Variants in KIF1B observed in about 807,000 individuals in gnomAD.
The protein encoded by KIF1B is kinesin family member 1B.
A neutral mutation model predicts 241.9 loss-of-function variants in KIF1B; 76 were observed. The observed-to-expected ratio is 0.31, with a 90% confidence interval of 0.26 to 0.38. The LOEUF (loss-of-function observed/expected upper bound fraction) is 0.38, where lower values mean the gene tolerates loss of function less well. Among genes scored for constraint, KIF1B ranks in the 10% least tolerant of loss-of-function variants. KIF1B has a pLI of 1.00. For missense variants in KIF1B, 1,622 were observed against 2,271.4 expected (o/e 0.71, Z 5.81); for synonymous variants, 750 against 796.7 (o/e 0.94, Z 0.99).
chr1:10,339,758 T>G lies in KIF1B; in HGVS notation c.3423-11T>G. The G allele has an allele frequency of 2.5e-6, 4 of 1,613,382 alleles. No homozygotes were observed. Among genetic ancestry groups the G allele is most frequent in the Non-Finnish European group, 3.4e-6 (4 of 1,179,444 alleles). On this transcript the variant is annotated splice_polypyrimidine_tract_variant and intron_variant, in intron 31 of 48. Coordinates refer to ENST00000676179, the MANE Select transcript of KIF1B (RefSeq NM_001365951.3). ...GCATTGTTCACGAGTCTTTTTATTT[T>G]TTTTATGAAGCTTTTTGCATCGCCA...
rs183499687 is a variant in KIF1B at position 10,305,966 on chromosome 1, C to T, written c.2115+8720C>T. ...ATCTATCAAACACTTGTCTTCCAAA[C>T]GGTGTGAAAAACTACAGCCAAGATA... On this transcript the variant is annotated intron_variant, in intron 22 of 48. Coordinates refer to ENST00000676179, the MANE Select transcript of KIF1B (RefSeq NM_001365951.3). 7.6e-5 allele frequency: 80 copies of T among 1,052,368 alleles called. No individual in the cohort carries two copies. The African/African-American group carries it at 9.6e-4, about 13-fold the overall frequency. 65.2% of individuals were successfully genotyped at this position (1,052,368 alleles called of 1,614,324 possible). A position where few individuals can be genotyped will look rare whatever the true frequency, so the allele number is the denominator to read the frequency against.
intron 5 of KIF1B, among the ~76,000 whole-genome samples, chr1:10,265,428 G>GT (rs1165842471): frequency 6.6e-6 from 1 of 151,896 alleles, no homozygotes; most frequent in East Asian, 1.9e-4. Flanking sequence ...TAGAAGTGGG[G>GT]TTTTACCATG....
intron 1 of KIF1B, among the ~76,000 whole-genome samples, chr1:10,216,957 C>CTTTTTTTTTTTTTTTTTTTTTT: frequency 1.8e-5 from 1 of 54,504 alleles, no homozygotes; most frequent in Admixed American, 3.4e-4. Context: ...TGCCCATTTT[C>CTTTTTTTTTTTTTTTTTTTTTT]TTTTTTTTTT....
At chr1:10,221,655 C>T (rs1421958696) in intron 1 of KIF1B, among the ~76,000 whole-genome samples, 1 of 152,132 alleles carries the variant, frequency 6.6e-6, no homozygotes, top group African/African-American at 2.4e-5. Context: ...TTTTTCATAG[C>T]ATCTCAAAAG....
intron 2 of KIF1B, among the ~76,000 whole-genome samples, chr1:10,244,471 C>T (rs184396612): frequency 2.0e-5 from 3 of 151,828 alleles, no homozygotes; most frequent in East Asian, 1.9e-4. Flanking sequence ...TGCACTACTA[C>T]GCCCGGCTAA....
chr1:10,215,172 A>ATATATATATT (rs1377684765), intron 1 of KIF1B, among the ~76,000 whole-genome samples: 2 of 45,360 alleles, frequency 4.4e-5, no homozygotes, highest in African/African-American at 2.0e-4. Flanking sequence ...ATATATATAT[A>ATATATATATT]TTTTTTTTTT....
intron 5 of KIF1B, among the ~76,000 whole-genome samples, chr1:10,266,376 C>T (rs1309823050): frequency 6.6e-6 from 1 of 152,088 alleles, no homozygotes; most frequent in African/African-American, 2.4e-5. Context: ...TTTAATTGCC[C>T]CAGGTTAAGA....
rs777354539 is a variant in KIF1B, at chr1:10,295,176, T to G, written c.1670+11T>G. The G allele has an allele frequency of 2.6e-6, 4 of 1,534,352 alleles. No individual in the cohort carries two copies. On this transcript the variant is annotated intron_variant, in intron 18 of 48. Transcript: ENST00000676179. ...AGATGGAATTACAAGGTATATTTAT[T>G]TCCTGTTTTGGTCACTTCGTGTGTT... is the stretch of plus-strand genomic sequence containing the variant.
chr1:10,254,646 G>A (rs527687836), intron 2 of KIF1B, among the ~76,000 whole-genome samples: 1 of 152,070 alleles, frequency 6.6e-6, no homozygotes, highest in South Asian at 2.1e-4. Context: ...GGAGGCCGAG[G>A]CGGGTGGATC....
chr1:10,306,244 A>C (rs1036441984), intron 22 of KIF1B: 5 of 1,042,132 alleles, frequency 4.8e-6, no homozygotes, highest in Non-Finnish European at 1.2e-6. Context: ...GTTTTATAGC[A>C]GATTAGACAT....
At chr1:10,235,519 C>G (rs1429201742) in intron 2 of KIF1B, among the ~76,000 whole-genome samples, 1 of 152,160 alleles carries the variant, frequency 6.6e-6, no homozygotes, top group Non-Finnish European at 1.5e-5. Flanking sequence ...TCCCAGAGTG[C>G]TGGGATTATG....
At chr1:10,348,780 T>A (rs1482534964) in intron 37 of KIF1B, 47 bp downstream of exon 37, 2 of 385,630 alleles carry the variant, frequency 5.2e-6, no homozygotes, top group South Asian at 3.8e-5. Context: ...CTTACAGAGA[T>A]TTTTTTTTTT....
At chr1:10,219,611 A>G (rs1465130272) in intron 1 of KIF1B, among the ~76,000 whole-genome samples, 1 of 150,434 alleles carries the variant, frequency 6.6e-6, no homozygotes, top group East Asian at 2.0e-4. Flanking sequence ...CAAAAAAATC[A>G]GCTGAGTGTG....
intron 28 of KIF1B, among the ~76,000 whole-genome samples, chr1:10,335,472 G>C (rs12409933): frequency 0.35 from 52,818 of 151,942 alleles, 9,347 homozygotes; most frequent in Admixed American, 0.38. Context: ...AGGCTGGTCT[G>C]AAACTCCTGA....
chr1:10,245,090 C>T lies in KIF1B; in HGVS notation c.107-11157C>T, dbSNP rs181074677. On this transcript the variant is annotated intron_variant, in intron 2 of 48. Transcript: ENST00000676179. ...GCAGGCAAAATCTTTAGTAGTTTGC[C>T]AACAACAGTATAATTACTAGACACT... 1.7e-3 allele frequency among the ~76,000 whole-genome samples: 257 copies of T among 152,156 alleles called. No homozygotes were observed. In the Middle Eastern group the frequency reaches 0.027, roughly 16 times the overall value.
At chr1:10,335,898 A>T (rs1275915281) in intron 28 of KIF1B, among the ~76,000 whole-genome samples, 1 of 151,944 alleles carries the variant, frequency 6.6e-6, no homozygotes, top group African/African-American at 2.4e-5. Context: ...CTATGTTCTG[A>T]GGAAAGAATG....
intron 1 of KIF1B, among the ~76,000 whole-genome samples, chr1:10,228,442 G>A (rs1441130142): frequency 2.0e-5 from 3 of 152,082 alleles, no homozygotes; most frequent in African/African-American, 7.2e-5. Flanking sequence ...TTACATGTTA[G>A]GAACAAGAGA....
intron 15 of KIF1B, among the ~76,000 whole-genome samples, chr1:10,286,868 A>C (rs1649740452): frequency 6.6e-6 from 1 of 151,130 alleles, no homozygotes; most frequent in South Asian, 2.1e-4. Context: ...GAAAGGGAGG[A>C]GGATTAAAGA....
chr1:10,305,285 T>C (rs1226052039), intron 22 of KIF1B: 2 of 1,044,042 alleles, frequency 1.9e-6, no homozygotes. Flanking sequence ...AAAACTCATA[T>C]AATGGTTTTT....
Sources: gnomAD v4.1 joint callset for allele counts (sites outside exome capture counted in the v4.1 genomes callset) on GRCh38, gnomAD v4.1.1 for gene constraint, MANE v1.5 for transcripts, NCBI Gene and HGNC (gene_info 2026-07-23, HGNC 2026-07-21) for gene names.